PPL: variants seen among roughly 807,000 people sequenced by gnomAD.
The protein encoded by PPL is 190 kDa paraneoplastic pemphigus antigen.
PPL carries 198 observed loss-of-function variants against 194.4 expected under a neutral mutation model. That is an observed-to-expected ratio of 1.02 (90% CI 0.91 to 1.15). The LOEUF (loss-of-function observed/expected upper bound fraction) is 1.15, where lower values mean the gene tolerates loss of function less well. PPL is among the 50% of genes most tolerant of loss of function. PPL has a pLI of 0.00. For missense variants in PPL, 2,885 were observed against 2,294.8 expected (o/e 1.26, Z -5.25); for synonymous variants, 1,220 against 972.4 (o/e 1.25, Z -4.74).
At position 4,890,577 on chromosome 16, in the gene PPL, AAAAG is replaced by A. The variant is rs1319445351; in HGVS notation, c.2162+147_2162+150del. ...TACAGGACCCAGGTAAGCATGACTC[AAAAG>A]AGAGACCACAGGGCCGTCAGAGAAT... On this transcript the variant is annotated intron_variant, in intron 17 of 21. Transcript: ENST00000345988. 43 of 1,102,786 alleles carry A rather than the reference AAAAG, an allele frequency of 3.9e-5. 1 individual carries two copies. Among genetic ancestry groups the A allele is most frequent in the Middle Eastern group, 2.1e-4 (1 of 4,682 alleles). 68.3% of individuals were successfully genotyped at this position (1,102,786 alleles called of 1,614,324 possible).
intron 2 of PPL, among the ~76,000 whole-genome samples, 179 bp downstream of exon 2, chr16:4,910,671 C>T (rs1383252975): frequency 6.6e-6 from 1 of 152,202 alleles, no homozygotes; most frequent in Non-Finnish European, 1.5e-5. Context: ...TGTCTCCCCT[C>T]CCCAACTGGA....
intron 9 of PPL, among the ~76,000 whole-genome samples, chr16:4,897,332 CAA>C (rs57191109): frequency 0.016 from 831 of 53,364 alleles, 5 homozygotes; most frequent in African/African-American, 0.054. Context: ...AAGACTCTCT[CAA>C]AAAAAAAAAA....
chr16:4,936,882 C>G, intron 1 of PPL, 102 bp downstream of exon 1: 1 of 1,207,126 alleles, frequency 8.3e-7, no homozygotes, highest in East Asian at 3.1e-5. Flanking sequence ...GGTTCCTGGA[C>G]CCCCGTACCC....
At chr16:4,900,261 C>T (rs1356081199) in intron 6 of PPL, among the ~76,000 whole-genome samples, 1 of 152,000 alleles carries the variant, frequency 6.6e-6, no homozygotes, top group African/African-American at 2.4e-5. Context: ...CAAGTGGCAT[C>T]ATACTTGGCA....
rs750946212 is a variant in PPL, at chr16:4,883,701, TCTCCCGCTG to T, written c.4945_4953del (p.Gln1649_Glu1651del). Reference sequence around the variant, plus strand: ...ACTACGATGGAGCGCCGCAGGTGGTTCTCCCGCTGCTCCCGCTTGACGGCCACGGAGCCC... The same window carrying T: ...ACTACGATGGAGCGCCGCAGGTGGTTCTCCCGCTTGACGGCCACGGAGCCC... On this transcript the variant is annotated inframe_deletion, in exon 22 of 22. Coordinates refer to ENST00000345988, the MANE Select transcript of PPL (RefSeq NM_002705.5). The surrounding 1 kb of genome is among the most constrained non-coding windows in gnomAD (Gnocchi z 4.8). The T allele has an allele frequency of 3.1e-6, 5 of 1,613,998 alleles. No individual in the cohort carries two copies. The East Asian group carries it at 8.9e-5, about 29-fold the overall frequency.
At chr16:4,921,943 T>C (rs912026041) in intron 1 of PPL, among the ~76,000 whole-genome samples, 10 of 151,256 alleles carry the variant, frequency 6.6e-5, no homozygotes, top group African/African-American at 2.4e-4. Context: ...GGGACAGAGG[T>C]AGCACCCTGG....
chr16:4,916,010 C>G (rs2088909642), intron 1 of PPL, among the ~76,000 whole-genome samples: 1 of 152,158 alleles, frequency 6.6e-6, no homozygotes, highest in African/African-American at 2.4e-5. Context: ...CGGGATGCCA[C>G]TTTTCATCCA....
intron 1 of PPL, among the ~76,000 whole-genome samples, chr16:4,928,505 A>G (rs1439003729): frequency 6.6e-6 from 1 of 152,256 alleles, no homozygotes; most frequent in Admixed American, 6.5e-5. Flanking sequence ...CTGAGCCTGC[A>G]AGGCCGCAGG....
At chr16:4,903,545 C>T (rs1336697005) in intron 3 of PPL, among the ~76,000 whole-genome samples, 1 of 152,000 alleles carries the variant, frequency 6.6e-6, no homozygotes, top group Non-Finnish European at 1.5e-5. Context: ...CATGGAGAAA[C>T]CCTGTCTCTA....
chr16:4,901,923 G>C (rs1294222875), intron 4 of PPL, among the ~76,000 whole-genome samples: 1 of 150,458 alleles, frequency 6.6e-6, no homozygotes, highest in Non-Finnish European at 1.5e-5. Context: ...CTGCGCGACA[G>C]AGTGAGACCT....
chr16:4,911,748 G>A (rs898048412), intron 1 of PPL, among the ~76,000 whole-genome samples: 6 of 152,010 alleles, frequency 3.9e-5, no homozygotes, highest in African/African-American at 1.5e-4. Flanking sequence ...ATGTCACCCA[G>A]GCTGGTCTCG....
intron 12 of PPL, 55 bp downstream of exon 12, chr16:4,894,412 G>C: frequency 6.3e-7 from 1 of 1,591,594 alleles, no homozygotes; most frequent in East Asian, 2.2e-5. Context: ...AATGGGGCCT[G>C]AGAAGCCCTG....
intron 9 of PPL, 72 bp downstream of exon 9, chr16:4,897,594 ACACATGAGC>A (rs1338646727): frequency 3.1e-5 from 35 of 1,126,582 alleles, no homozygotes; most frequent in Non-Finnish European, 4.6e-5. Context: ...GCACGAGGCC[ACACATGAGC>A]CAGGTAGGCA....
At chr16:4,904,107 G>C (rs1178097233) in intron 2 of PPL, 67 bp from the exon 3 acceptor site, 2 of 1,522,808 alleles carry the variant, frequency 1.3e-6, no homozygotes, top group Non-Finnish European at 1.8e-6. Context: ...CAATGGGAGG[G>C]GTGGGAGGAA....
Position 4,885,634 on chromosome 16 carries a change from C to T in PPL, c.3021G>A (p.Ala1007=), listed in dbSNP as rs750041739. Reference sequence around the variant, plus strand: ...CCTCCCGCAGCTGCAAGACCTCATCCGCCTGGGCCCTGTCAGGCTCGATGC... The same window carrying T: ...CCTCCCGCAGCTGCAAGACCTCATCTGCCTGGGCCCTGTCAGGCTCGATGC... ...VLRIEPDRAQ[A]DEVLQLREEL... Residue 1007 remains alanine, a synonymous_variant, in exon 22 of 22, where the codon GCG becomes GCA. Coordinates refer to ENST00000345988, the MANE Select transcript of PPL (RefSeq NM_002705.5). The surrounding 1 kb of genome is among the most constrained non-coding windows in gnomAD (Gnocchi z 6.3). 55 of 1,612,914 alleles carry T rather than the reference C, an allele frequency of 3.4e-5. No homozygotes were observed. The highest frequency in any genetic ancestry group is 5.5e-5 in the South Asian group (5 of 91,056).
At position 4,886,042 on chromosome 16, in the gene PPL, C is replaced by T. The variant is rs780719168; in HGVS notation, c.2613G>A (p.Pro871=). Residue 871 remains proline, a synonymous_variant, in exon 22 of 22, where the codon CCG becomes CCA. Transcript: ENST00000345988. The stretch of plus-strand genomic sequence containing the variant: ...GGGTCTCATGGGTCACTTCTACTTC[C>T]GGCTGCTGTGATGGAGAAGACAAGA... The part of the protein sequence containing the change: ...EFALNLLRQQ[P]EVEVTHETLQ... 20 of 1,613,806 alleles carry T rather than the reference C, an allele frequency of 1.2e-5. No individual in the cohort carries two copies. Among genetic ancestry groups the T allele is most frequent in the Admixed American group, 1.2e-4 (7 of 59,996 alleles).
At chr16:4,914,129 G>T (rs1186902445) in intron 1 of PPL, among the ~76,000 whole-genome samples, 1 of 152,176 alleles carries the variant, frequency 6.6e-6, no homozygotes, top group Admixed American at 6.5e-5. Flanking sequence ...CTCCAATGAG[G>T]ACACGCCATA....
In PPL at chr16:4,902,278, C is replaced by T. The variant is rs770661796; in HGVS notation, c.438+128G>A. 1.3e-4 allele frequency: 186 copies of T among 1,429,988 alleles called. No homozygotes were observed. Among genetic ancestry groups the T allele is most frequent in the Non-Finnish European group, 1.7e-4 (177 of 1,063,492 alleles). The allele number at this position is 1,429,988 out of a possible 1,614,324, so 88.6% of individuals were successfully genotyped here. A position where few individuals can be genotyped will look rare whatever the true frequency, so the allele number is the denominator to read the frequency against. On this transcript the variant is annotated intron_variant, in intron 4 of 21. Coordinates refer to ENST00000345988, the MANE Select transcript of PPL (RefSeq NM_002705.5). This position sits in a 1 kb window ranked among gnomAD's most constrained non-coding sequence, Gnocchi z 4.0. ...CTCTTCTCATGGGCACACTGGAAAA[C>T]CATCAGGACCACGACTGTCTCCCTG...
In PPL at chr16:4,884,191, A is replaced by T. The variant is rs1484129584; in HGVS notation, c.4464T>A (p.Ala1488=). 6.2e-7 allele frequency: 1 copy of T among 1,613,822 alleles called. No homozygotes were observed. Among genetic ancestry groups the T allele is most frequent in the Admixed American group, 1.7e-5 (1 of 59,998 alleles). Residue 1488 remains alanine (A), a synonymous_variant, in exon 22 of 22, where the codon GCT becomes GCA. Transcript: ENST00000345988. This position sits in a 1 kb window ranked among gnomAD's most constrained non-coding sequence, Gnocchi z 5.7. ...CCTTGACCTCCGCCTTCTCCAGTGC[A>T]GCCAGTTTCCTCCGGAGGGTCTCGA... ...GELETLRRKL[A]ALEKAEVKEK... is the part of the protein sequence containing the mutation.
Sources: allele counts gnomAD v4.1 joint callset (sites outside exome capture counted in the v4.1 genomes callset), GRCh38; gene constraint gnomAD v4.1.1; non-coding constraint Gnocchi (gnomAD v3.1); transcripts MANE v1.5; gene names NCBI Gene and HGNC (gene_info 2026-07-23, HGNC 2026-07-21).